Variants in SGO2 observed in about 807,000 individuals in gnomAD.
SGO2 encodes the protein shugoshin-like 2.
A neutral mutation model predicts 99.5 loss-of-function variants in SGO2; 68 were observed. The ratio of observed to expected loss-of-function variants is 0.68; its 90% CI spans 0.56 to 0.84. SGO2 has a LOEUF of 0.84. Among genes scored for constraint, SGO2 ranks in the 40% least tolerant of loss-of-function variants. SGO2 has a pLI of 0.00. For synonymous variants in SGO2, 457 were observed against 487.1 expected, an observed-to-expected ratio of 0.94 and a Z score of 0.81; for missense variants, 1,350 against 1,436.7, an observed-to-expected ratio of 0.94 and a Z score of 0.97.
intron 8 of SGO2, among the ~76,000 whole-genome samples, chr2:200,577,828 C>G (rs1473398578): frequency 6.6e-6 from 1 of 152,090 alleles, no homozygotes; most frequent in Non-Finnish European, 1.5e-5. Context: ...ATTATATGTC[C>G]TTCTTGCCTC....
At chr2:200,574,763 A>G (rs990265100) in intron 7 of SGO2, among the ~76,000 whole-genome samples, 19 of 152,124 alleles carry the variant, frequency 1.2e-4, no homozygotes, top group Non-Finnish European at 2.4e-4. Context: ...ATGTGCATGC[A>G]GACCCAAATC....
At chr2:200,535,389 AC>A (rs2031644816) in intron 3 of SGO2, among the ~76,000 whole-genome samples, 2 of 152,272 alleles carry the variant, frequency 1.3e-5, no homozygotes, top group South Asian at 4.1e-4. Context: ...TGCTGTGTAA[AC>A]CAGTATAATA....
At chr2:200,542,732 G>A in intron 5 of SGO2, 68 bp downstream of exon 5, 1 of 1,366,802 alleles carries the variant, frequency 7.3e-7, no homozygotes, top group South Asian at 1.2e-5. Context: ...TAGTGTTTGT[G>A]TGTATTGTAC....
intron 8 of SGO2, among the ~76,000 whole-genome samples, chr2:200,578,958 T>C (rs900704825): frequency 2.0e-5 from 3 of 152,156 alleles, no homozygotes; most frequent in Admixed American, 6.5e-5. Context: ...TATTTCTCTT[T>C]TATGGGAGGC....
rs2106345669 is a variant in SGO2 at position 200,572,761 on chromosome 2, T to C, written c.2415T>C (p.Gly805=). 2.5e-6 allele frequency: 4 copies of C among 1,612,926 alleles called. No individual in the cohort carries two copies. The Admixed American group carries it at 6.7e-5, about 27-fold the overall frequency. Residue 805 remains glycine (G), a synonymous_variant, in exon 7 of 9, where the codon GGT becomes GGC. Coordinates refer to ENST00000357799, the MANE Select transcript of SGO2 (RefSeq NM_152524.6). ...QPACQNDSKI[G]KKPRLNVCQK... ...CTTGTCAAAATGATTCAAAAATAGG[T>C]AAGAAGCCTAGACTAAATGTATGTC...
rs1309833293 is a variant in SGO2 at position 200,526,299 on chromosome 2, C to CG, written c.-3+50dup. On this transcript the variant is annotated intron_variant, in intron 1 of 8. Transcript: ENST00000357799. The surrounding 1 kb of genome is among the most constrained non-coding windows in gnomAD (Gnocchi z 4.8). ...GTTGACGTGACCGCCCTCTCCCTGT[C>CG]GGGATCGGTGTCGTTCTTGAGTCGG... 1 of 152,302 alleles carries CG rather than the reference C, an allele frequency of 6.6e-6. No individual in the cohort carries two copies. Among genetic ancestry groups the CG allele is most frequent in the Non-Finnish European group, 1.5e-5 (1 of 68,090 alleles). 9.4% of individuals were successfully genotyped at this position (152,302 alleles called of 1,614,324 possible). A position where few individuals can be genotyped will look rare whatever the true frequency, so the allele number is the denominator to read the frequency against.
rs549325395 is a variant in SGO2 at position 200,577,186 on chromosome 2, C to G, written c.3782+1725C>G. 5.9e-5 allele frequency among the ~76,000 whole-genome samples: 9 copies of G among 152,236 alleles called. No homozygotes were observed. In the East Asian group the frequency reaches 1.5e-3, roughly 26 times the overall value. ...TTTTAAAAATTTCTCTTTATCTTTA[C>G]CAACACTTGTTTTTCTATGACTGAT... On this transcript the variant is annotated intron_variant, in intron 8 of 8. Transcript: ENST00000357799.
chr2:200,527,911 T>A (rs550775084), intron 1 of SGO2, among the ~76,000 whole-genome samples: 2 of 152,308 alleles, frequency 1.3e-5, no homozygotes, highest in Non-Finnish European at 2.9e-5. Context: ...TTAAGTAGTT[T>A]GGACTGGGAA....
chr2:200,570,232 G>T lies in SGO2; in HGVS notation c.703+340G>T. On this transcript the variant is annotated intron_variant, in intron 6 of 8. Coordinates refer to ENST00000357799, the MANE Select transcript of SGO2 (RefSeq NM_152524.6). This position sits in a 1 kb window ranked among gnomAD's most constrained non-coding sequence, Gnocchi z 4.4. Reference sequence around the variant, plus strand: ...TTTTTTGTAGATATGAAAATTGGGGGCCTAGATAGGTATAGAGACTCTTTG... The same window carrying T: ...TTTTTTGTAGATATGAAAATTGGGGTCCTAGATAGGTATAGAGACTCTTTG... 3.7e-6 allele frequency: 1 copy of T among 267,840 alleles called. No individual in the cohort carries two copies. Among genetic ancestry groups the T allele is most frequent in the East Asian group, 6.6e-5 (1 of 15,160 alleles). 16.6% of individuals were successfully genotyped at this position (267,840 alleles called of 1,614,324 possible). A position where few individuals can be genotyped will look rare whatever the true frequency, so the allele number is the denominator to read the frequency against.
intron 5 of SGO2, among the ~76,000 whole-genome samples, chr2:200,548,865 C>T (rs567836562): frequency 6.6e-6 from 1 of 152,284 alleles, no homozygotes; most frequent in Admixed American, 6.5e-5. Flanking sequence ...TTTTTGGACA[C>T]ATATAACCTA....
chr2:200,539,730 T>A (rs2031868499), intron 4 of SGO2, among the ~76,000 whole-genome samples: 1 of 152,160 alleles, frequency 6.6e-6, no homozygotes. Context: ...CTTCTTGAAT[T>A]TGTAGGTTGA....
chr2:200,563,439 G>A (rs1469048824), intron 5 of SGO2, among the ~76,000 whole-genome samples: 3 of 152,192 alleles, frequency 2.0e-5, no homozygotes, highest in Non-Finnish European at 4.4e-5. Context: ...GCTTCTTGAT[G>A]TGCTGCAGGA....
Position 200,532,288 on chromosome 2 carries a change from T to TG in SGO2, c.-2-686_-2-685insG, listed in dbSNP as rs2031441148. On this transcript the variant is annotated intron_variant, in intron 1 of 8. Coordinates refer to ENST00000357799, the MANE Select transcript of SGO2 (RefSeq NM_152524.6). ...GAGTTTTTTGTTTTTTTTTTTGTTT[T>TG]TTTTTTTTTTTCAGATCTCTTCAGA... 1.2e-5 allele frequency: 6 copies of TG among 516,206 alleles called. 1 individual carries two copies. Among genetic ancestry groups the TG allele is most frequent in the African/African-American group, 8.8e-5 (4 of 45,592 alleles). The allele number at this position is 516,206 out of a possible 1,614,324, so 32.0% of individuals were successfully genotyped here.
chr2:200,583,212 A>G (rs978037252), intron 8 of SGO2, among the ~76,000 whole-genome samples: 8 of 152,350 alleles, frequency 5.3e-5, no homozygotes, highest in African/African-American at 1.9e-4. Context: ...CATGTAATAT[A>G]TAAAATCTAT....
Position 200,571,084 on chromosome 2 carries a change from T to C in SGO2, c.738T>C (p.Thr246=). The part of the protein sequence containing the change: ...SHSHSDQSSK[T]SLMSEMRNAQ... ...CCCACTCAGACCAAAGTTCTAAGAC[T>C]TCTCTAATGAGTGAGATGAGAAACG... Residue 246 remains threonine, a synonymous_variant, in exon 7 of 9, where the codon ACT becomes ACC. Transcript: ENST00000357799. The C allele has an allele frequency of 6.2e-7, 1 of 1,604,044 alleles. No individual in the cohort carries two copies. The highest frequency in any genetic ancestry group is 8.5e-7 in the Non-Finnish European group (1 of 1,176,532).
intron 1 of SGO2, among the ~76,000 whole-genome samples, chr2:200,528,305 G>A (rs1473280472): frequency 6.6e-6 from 1 of 152,188 alleles, no homozygotes; most frequent in Non-Finnish European, 1.5e-5. Context: ...TGGAAGCAGG[G>A]ACACCATTCA....
intron 5 of SGO2, among the ~76,000 whole-genome samples, chr2:200,557,069 A>G (rs950383889): frequency 1.3e-5 from 2 of 152,206 alleles, no homozygotes; most frequent in African/African-American, 2.4e-5. Context: ...TCCCATGAAC[A>G]TGTATGTGCC....
At chr2:200,562,538 G>A (rs969198782) in intron 5 of SGO2, among the ~76,000 whole-genome samples, 5 of 152,242 alleles carry the variant, frequency 3.3e-5, no homozygotes, top group South Asian at 2.1e-4. Context: ...TTGGCAATGC[G>A]GGCTCTTTTG....
chr2:200,536,484 A>G lies in SGO2; in HGVS notation c.387+342A>G, dbSNP rs187653989. Among the ~76,000 whole-genome samples, 55 of 152,214 alleles carry G rather than the reference A, an allele frequency of 3.6e-4. 1 individual carries two copies. The highest frequency in any genetic ancestry group is 3.4e-3 in the Admixed American group (52 of 15,272). On this transcript the variant is annotated intron_variant, in intron 4 of 8. Coordinates refer to ENST00000357799, the MANE Select transcript of SGO2 (RefSeq NM_152524.6). ...TTTTTGTTTTTTGTTTGTTTGTTTT[A>G]AAGATGGACACAATTGAAAAACTGG...
Sources: allele counts gnomAD v4.1 joint callset (sites outside exome capture counted in the v4.1 genomes callset), GRCh38; gene constraint gnomAD v4.1.1; non-coding constraint Gnocchi (gnomAD v3.1); transcripts MANE v1.5; gene names NCBI Gene and HGNC (gene_info 2026-07-23, HGNC 2026-07-21).